The following GNAO1 variants were observed in gnomAD, a reference collection of about 807,000 sequenced individuals.
GNAO1 encodes G protein subunit alpha o1, also known as guanine nucleotide-binding protein G(o) subunit alpha.
For synonymous variants in GNAO1, 164 were observed against 180.7 expected (o/e 0.91, Z 0.74); for missense variants, 166 against 478.7 (o/e 0.35, Z 6.10).
chr16:56,241,177 T>C (rs2036690891), intron 2 of GNAO1, among the ~76,000 whole-genome samples: 1 of 152,234 alleles, frequency 6.6e-6, no homozygotes, highest in Admixed American at 6.5e-5. Flanking sequence ...CATGGAACTT[T>C]TCCCAACCAA....
At chr16:56,322,501 A>G (rs2037584978) in intron 3 of GNAO1, among the ~76,000 whole-genome samples, 1 of 152,188 alleles carries the variant, frequency 6.6e-6, no homozygotes, top group Middle Eastern at 3.2e-3. Context: ...CCCTGGCTCT[A>G]GTAATTGCTT....
intron 2 of GNAO1, among the ~76,000 whole-genome samples, chr16:56,246,085 C>T (rs2036741803): frequency 6.6e-6 from 1 of 152,104 alleles, no homozygotes; most frequent in Admixed American, 6.5e-5. Flanking sequence ...CCTGGGTCAG[C>T]CCTCTTTCCT....
chr16:56,253,810 G>T (rs1423296523), intron 2 of GNAO1, among the ~76,000 whole-genome samples: 1 of 152,204 alleles, frequency 6.6e-6, no homozygotes, highest in East Asian at 1.9e-4. Context: ...CCAGACCTGG[G>T]CCCTGCCTTC....
intron 7 of GNAO1, among the ~76,000 whole-genome samples, chr16:56,353,676 C>T (rs2037944334): frequency 6.6e-6 from 1 of 152,242 alleles, no homozygotes; most frequent in Non-Finnish European, 1.5e-5. Context: ...GGGCTGTGCC[C>T]AGTTCGGCTC....
chr16:56,314,695 T>C (rs1158968707), intron 3 of GNAO1, among the ~76,000 whole-genome samples: 1 of 152,194 alleles, frequency 6.6e-6, no homozygotes, highest in East Asian at 1.9e-4. Flanking sequence ...CACGATTGTA[T>C]CTGCTGCTGC....
At chr16:56,272,094 T>G (rs2143511692) in intron 2 of GNAO1, among the ~76,000 whole-genome samples, 1 of 152,164 alleles carries the variant, frequency 6.6e-6, no homozygotes, top group South Asian at 2.1e-4. Context: ...TTCTTCTGAG[T>G]TTTGGGAGTA....
At chr16:56,246,314 C>T (rs1196991638) in intron 2 of GNAO1, among the ~76,000 whole-genome samples, 1 of 152,260 alleles carries the variant, frequency 6.6e-6, no homozygotes, top group Non-Finnish European at 1.5e-5. Flanking sequence ...ACCCCTACTT[C>T]AGCCTCCCAG....
Position 56,299,661 on chromosome 16 carries a change from TCA to T in GNAO1, c.303+23590_303+23591del, listed in dbSNP as rs1233046911. ...TAAAAGCCTCCTGATCACTGAAACCTCAGAGTTGGAAACACATTTATATTTAT... is the reference window on the plus strand; with the variant it reads ...TAAAAGCCTCCTGATCACTGAAACCTGAGTTGGAAACACATTTATATTTAT... On this transcript the variant is annotated intron_variant, in intron 3 of 8. Coordinates refer to ENST00000262493, the MANE Select transcript of GNAO1 (RefSeq NM_020988.3). Among the ~76,000 whole-genome samples, 11 of 152,250 alleles carry T rather than the reference TCA, an allele frequency of 7.2e-5. No individual in the cohort carries two copies. The East Asian group carries it at 2.1e-3, about 29-fold the overall frequency.
At chr16:56,304,573 G>A (rs1409099436) in intron 3 of GNAO1, among the ~76,000 whole-genome samples, 1 of 152,154 alleles carries the variant, frequency 6.6e-6, no homozygotes, top group Non-Finnish European at 1.5e-5. Context: ...ACACAATTAG[G>A]CTCAAACATC....
intron 3 of GNAO1, among the ~76,000 whole-genome samples, chr16:56,318,051 G>A (rs1429935872): frequency 2.0e-5 from 3 of 152,166 alleles, no homozygotes; most frequent in African/African-American, 7.2e-5. Context: ...TGTCTAACGT[G>A]CGCCCGGGGT....
At chr16:56,346,183 A>G (rs1280759954) in intron 6 of GNAO1, 3 of 985,310 alleles carry the variant, frequency 3.0e-6, no homozygotes, top group Non-Finnish European at 2.4e-6. Context: ...GTATCCGGGG[A>G]GAAATTCTCT....
intron 2 of GNAO1, among the ~76,000 whole-genome samples, chr16:56,197,701 C>T (rs1252307857): frequency 2.0e-5 from 3 of 152,194 alleles, no homozygotes; most frequent in Admixed American, 6.5e-5. Context: ...ATTAGATTTA[C>T]GATGCTCAGA....
In GNAO1 at chr16:56,311,693, G is replaced by A. The variant is rs2037460719; in HGVS notation, c.304-16938G>A. Among the ~76,000 whole-genome samples the A allele has an allele frequency of 6.6e-6, 1 of 152,076 alleles. No individual in the cohort carries two copies. ...GGCTTGGCTCAGCCCCTGACCCCCT[G>A]TACCCCAGGGGCCAGGCTCTGGGAG... On this transcript the variant is annotated intron_variant, in intron 3 of 8. Coordinates refer to ENST00000262493, the MANE Select transcript of GNAO1 (RefSeq NM_020988.3). The surrounding 1 kb of genome is among the most constrained non-coding windows in gnomAD (Gnocchi z 5.2).
chr16:56,205,586 T>C (rs1265668857), intron 2 of GNAO1, among the ~76,000 whole-genome samples: 2 of 152,230 alleles, frequency 1.3e-5, no homozygotes, highest in Admixed American at 1.3e-4. Context: ...GGAAGGCCTG[T>C]TTCTTCTTTG....
chr16:56,245,108 C>T (rs2036731030), intron 2 of GNAO1, among the ~76,000 whole-genome samples: 1 of 152,064 alleles, frequency 6.6e-6, no homozygotes, highest in Non-Finnish European at 1.5e-5. Context: ...CAGGAGAAAG[C>T]ACTAGACAAC....
chr16:56,200,958 A>G (rs1046562524), intron 2 of GNAO1, among the ~76,000 whole-genome samples: 2 of 152,198 alleles, frequency 1.3e-5, no homozygotes, highest in Admixed American at 6.5e-5. Flanking sequence ...TTGGAGAACT[A>G]TGGAAAGACA....
intron 2 of GNAO1, among the ~76,000 whole-genome samples, chr16:56,198,934 G>C (rs1396136592): frequency 1.3e-5 from 2 of 152,198 alleles, no homozygotes; most frequent in Non-Finnish European, 2.9e-5. Flanking sequence ...TGATGGCGCA[G>C]CTGCTTCAGC....
chr16:56,272,790 T>G (rs1455229284), intron 2 of GNAO1, among the ~76,000 whole-genome samples: 3 of 152,134 alleles, frequency 2.0e-5, no homozygotes, highest in Non-Finnish European at 4.4e-5. Flanking sequence ...TATCAATAGG[T>G]GTGAAATAGG....
chr16:56,343,958 CGCCCTGCCCGGCACCCTT>C (rs2037835720), intron 6 of GNAO1: 1 of 1,612,056 alleles, frequency 6.2e-7, no homozygotes, highest in Non-Finnish European at 8.5e-7. Context: ...TGAGCCCAGC[CGCCCTGCCCGGCACCCTT>C]GCCCTGCCTG....
Sources: allele counts gnomAD v4.1 joint callset (sites outside exome capture counted in the v4.1 genomes callset), GRCh38; gene constraint gnomAD v4.1.1; non-coding constraint Gnocchi (gnomAD v3.1); transcripts MANE v1.5; gene names NCBI Gene and HGNC (gene_info 2026-07-23, HGNC 2026-07-21).